Variants in OBSL1 observed in about 807,000 individuals in gnomAD.
OBSL1 encodes the protein obscurin-like protein 1.
A neutral mutation model predicts 172.0 loss-of-function variants in OBSL1; 160 were observed. The ratio of observed to expected loss-of-function variants is 0.93; its 90% CI spans 0.82 to 1.06. The LOEUF (loss-of-function observed/expected upper bound fraction) is 1.06, where lower values mean the gene tolerates loss of function less well. Among genes scored for constraint, OBSL1 ranks in the 50% least tolerant of loss-of-function variants. The pLI is 0.00. For missense variants in OBSL1, 2,681 were observed against 2,715.4 expected, an observed-to-expected ratio of 0.99 and a Z score of 0.28; for synonymous variants, 1,200 against 1,196.3, an observed-to-expected ratio of 1.00 and a Z score of -0.06.
At position 219,552,664 on chromosome 2, in the gene OBSL1, G is replaced by A. The variant is rs775246985; in HGVS notation, c.5180C>T (p.Ser1727Leu). The A allele has an allele frequency of 1.3e-6, 2 of 1,539,904 alleles. No homozygotes were observed. The highest frequency in any genetic ancestry group is 2.4e-5 in the East Asian group (1 of 41,302). Residue 1727 changes from serine (S) to leucine (L), a missense_variant, in exon 18 of 21, where the codon TCG (serine) becomes TTG (leucine). This residue lies in a region of OBSL1 where 1,765 missense variants were observed against 1,748.3 expected (regional missense o/e 1.01). Transcript: ENST00000404537. ...RTVAVLSELR[S>L]VSAREGDGAT... ...GCCGTCGCCTTCGCGGGCGCTCACC[G>A]ACCGCAGCTCGGAGAGTACCGCCAC...
At position 219,565,390 on chromosome 2, in the gene OBSL1, C is replaced by T. The variant is rs1477822555; in HGVS notation, c.2259G>A (p.Gly753=). The change falls in exon 6 of 21, where the codon GGG becomes GGA. Residue 753 remains glycine (G), a synonymous_variant. Coordinates refer to ENST00000404537, the MANE Select transcript of OBSL1 (RefSeq NM_015311.3). The stretch of plus-strand genomic sequence containing the variant: ...GCAACTCGCTCTCCTCCACCTTCTG[C>T]CCATCCTTGTACCAGGTTGCCGGGA... ...VDFPATWYKD[G]QKVEESELLV... 3 of 1,614,024 alleles carry T rather than the reference C, an allele frequency of 1.9e-6. No individual in the cohort carries two copies. Among genetic ancestry groups the T allele is most frequent in the Non-Finnish European group, 2.5e-6 (3 of 1,179,896 alleles).
intron 15 of OBSL1, 165 bp downstream of exon 15, chr2:219,554,309 G>A (rs1695842989): frequency 1.2e-6 from 1 of 843,210 alleles, no homozygotes; most frequent in African/African-American, 1.7e-5. Flanking sequence ...GGGCCACACA[G>A]GGCCTATGAG....
downstream of OBSL1, chr2:219,547,421 A>C: frequency 9.1e-7 from 1 of 1,102,164 alleles, no homozygotes; most frequent in Non-Finnish European, 1.2e-6. Flanking sequence ...TTCCCCTGGG[A>C]TCCCATGTCC....
chr2:219,548,070 C>A (rs1385868913), downstream of OBSL1: 12 of 1,558,246 alleles, frequency 7.7e-6, no homozygotes, highest in Non-Finnish European at 1.0e-5. Context: ...GAGGGGGACT[C>A]CCACACGGAA....
At position 219,554,746 on chromosome 2, in the gene OBSL1, C is replaced by A; in HGVS notation, c.4610-6G>T. ...CAGCACCCTCAGCTGCCTCGCTGGC[C>A]GGGGGAGATGGAGAGAGGGAGGATG... On this transcript the variant is annotated splice_polypyrimidine_tract_variant and splice_region_variant and intron_variant, in intron 14 of 20. Transcript: ENST00000404537. 2 of 1,538,090 alleles carry A rather than the reference C, an allele frequency of 1.3e-6. No individual in the cohort carries two copies. Among genetic ancestry groups the A allele is most frequent in the Middle Eastern group, 1.8e-4 (1 of 5,624 alleles).
chr2:219,561,593 C>T (rs1035892265), intron 8 of OBSL1: 12 of 448,210 alleles, frequency 2.7e-5, no homozygotes, highest in Middle Eastern at 1.3e-3. Flanking sequence ...GGGAAGCGGC[C>T]GTGTCTGCGT....
At position 219,570,749 on chromosome 2, in the gene OBSL1, C is replaced by T; in HGVS notation, c.484G>A (p.Glu162Lys). 6 of 1,503,788 alleles carry T rather than the reference C, an allele frequency of 4.0e-6. No individual in the cohort carries two copies. The highest frequency in any genetic ancestry group is 5.3e-6 in the Non-Finnish European group (6 of 1,133,538). 93.2% of individuals were successfully genotyped at this position (1,503,788 alleles called of 1,614,324 possible). Residue 162 changes from glutamate to lysine, a missense_variant, in exon 1 of 21, where the codon GAG (glutamate) becomes AAG (lysine). Physicochemically the swap from Glu to Lys is moderately conservative, Grantham distance 56. This residue lies in a region of OBSL1 where 706 missense variants were observed against 695.8 expected (regional missense o/e 1.01). Coordinates refer to ENST00000404537, the MANE Select transcript of OBSL1 (RefSeq NM_015311.3). ...GGLPEPTLYWEKDGMALDEVW... is the reference protein window; with the variant it reads ...GGLPEPTLYWKKDGMALDEVW... ...TCGTCCAGGGCCATCCCGTCCTTCT[C>T]CCAGTACAGTGTGGGCTCGGGGAGG...
intron 6 of OBSL1, 66 bp from the exon 7 acceptor site, chr2:219,563,693 G>A: frequency 6.5e-7 from 1 of 1,528,430 alleles, no homozygotes; most frequent in Admixed American, 1.8e-5. Flanking sequence ...CTAGCTGTGT[G>A]GCCAGGAGAC....
Position 219,566,938 on chromosome 2 carries a change from C to G in OBSL1, c.2026G>C (p.Gly676Arg). 1 of 1,613,778 alleles carries G rather than the reference C, an allele frequency of 6.2e-7. No homozygotes were observed. The highest frequency in any genetic ancestry group is 8.5e-7 in the Non-Finnish European group (1 of 1,179,848). ...TGCAGGATGAGTCTGTGCTGCAGAC[C>G]CTTCTGCTCTATACGGTACCGCAGG... ...GALRYRIEQK[G>R]LQHRLILHAV... The change falls in exon 5 of 21, where the codon GGT (glycine) becomes CGT (arginine). Residue 676 changes from glycine (G) to arginine (R), a missense_variant. Physicochemically the swap from Gly to Arg is moderately radical, Grantham distance 125. Around this residue, in one of 5 missense-constraint regions of OBSL1, gnomAD observed 1,765 missense variants for 1,748.3 expected, o/e 1.01. Transcript: ENST00000404537.
chr2:219,561,630 T>G (rs1051729980), intron 8 of OBSL1: 2 of 408,462 alleles, frequency 4.9e-6, no homozygotes, highest in Non-Finnish European at 4.3e-6. Flanking sequence ...TGTGGAAGGG[T>G]GACTTTCTCC....
Position 219,563,335 on chromosome 2 carries a change from A to C in OBSL1, c.2680+20T>G. The C allele has an allele frequency of 6.5e-7, 1 of 1,544,828 alleles. No individual in the cohort carries two copies. The highest frequency in any genetic ancestry group is 8.8e-7 in the Non-Finnish European group (1 of 1,141,612). ...AGGGGCACCTTCCCCTGTGCCTCCG[A>C]GGCCCACCTGGCCCCCCACCTGTGA... is the stretch of plus-strand genomic sequence containing the variant. On this transcript the variant is annotated intron_variant, in intron 7 of 20. Transcript: ENST00000404537.
intron 4 of OBSL1, 68 bp downstream of exon 4, chr2:219,567,205 A>G (rs1170382976): frequency 4.5e-6 from 7 of 1,560,208 alleles, no homozygotes; most frequent in Non-Finnish European, 6.1e-6. Context: ...CAAGCCTGTG[A>G]GAGGACCAGC....
In OBSL1 at chr2:219,559,260, C is replaced by G. The variant is rs1367712917; in HGVS notation, c.3191G>C (p.Gly1064Ala). The change falls in exon 9 of 21, where the codon GGA (glycine) becomes GCA (alanine). Residue 1064 changes from glycine to alanine, a missense_variant. Coordinates refer to ENST00000404537, the MANE Select transcript of OBSL1 (RefSeq NM_015311.3). Reference protein sequence around the residue: ...EDGGEFVCDAGDDSAFFTVTV... With the variant: ...EDGGEFVCDAADDSAFFTVTV... ...GACAGTGAAGAAGGCCGAGTCATCT[C>G]CAGCATCACATACAAACTCGCCCCC... 6.2e-7 allele frequency: 1 copy of G among 1,611,740 alleles called. No homozygotes were observed.
Position 219,561,921 on chromosome 2 carries a change from C to G in OBSL1, c.2953+481G>C, listed in dbSNP as rs868310771. ...AGCTGTTCGTCGCCATGGGGGGAAG[C>G]GGGACCAGAGCCGCCGGGTCTTCGG... On this transcript the variant is annotated intron_variant, in intron 8 of 20. Transcript: ENST00000404537. 4 of 717,330 alleles carry G rather than the reference C, an allele frequency of 5.6e-6. No homozygotes were observed. In the East Asian group the frequency reaches 1.1e-4, roughly 19 times the overall value. The allele number at this position is 717,330 out of a possible 1,614,324, so 44.4% of individuals were successfully genotyped here.
downstream of OBSL1, chr2:219,549,604 C>T: frequency 6.6e-7 from 1 of 1,506,648 alleles, no homozygotes; most frequent in Non-Finnish European, 9.0e-7. Context: ...GGGCTGTGGA[C>T]TCTGGGTCTA....
Position 219,565,335 on chromosome 2 carries a change from G to A in OBSL1, c.2314C>T (p.Arg772Cys), listed in dbSNP as rs367696024. Reference sequence around the variant, plus strand: ...ACTTTGGCCTCAGGCAGGATCAGACGGTGTTTGCGCCCATCCATCTTCACC... The same window carrying A: ...ACTTTGGCCTCAGGCAGGATCAGACAGTGTTTGCGCCCATCCATCTTCACC... The part of the protein sequence containing the change: ...LVVKMDGRKH[R>C]LILPEAKVQD... The change falls in exon 6 of 21, where the codon CGT becomes TGT. Residue 772 changes from arginine (R) to cysteine (C), a missense_variant. By Grantham distance (180) the Arg-to-Cys change is radical (BLOSUM62 -3). Transcript: ENST00000404537. 2.4e-5 allele frequency: 38 copies of A among 1,613,856 alleles called. No homozygotes were observed. The highest frequency in any genetic ancestry group is 1.0e-4 in the Admixed American group (6 of 59,998).
chr2:219,551,856 G>T, intron 19 of OBSL1, 58 bp from the exon 20 acceptor site: 1 of 1,091,720 alleles, frequency 9.2e-7, no homozygotes, highest in Non-Finnish European at 1.3e-6. Flanking sequence ...CCCAGGAGGA[G>T]AGATGCATCT....
chr2:219,571,424 C>T lies in OBSL1; in HGVS notation c.-192G>A. 1 of 335,360 alleles carries T rather than the reference C, an allele frequency of 3.0e-6. No homozygotes were observed. Among genetic ancestry groups the T allele is most frequent in the Non-Finnish European group, 5.3e-6 (1 of 188,354 alleles). 20.8% of individuals were successfully genotyped at this position (335,360 alleles called of 1,614,324 possible). A position where few individuals can be genotyped will look rare whatever the true frequency, so the allele number is the denominator to read the frequency against. On this transcript the variant is annotated 5_prime_UTR_variant, in exon 1 of 21. Coordinates refer to ENST00000404537, the MANE Select transcript of OBSL1 (RefSeq NM_015311.3). ...GCCCCGAGCTGCAGCTCTGCGGCGG[C>T]GGCGGCGGCGATTCCCGGGCCCGAA... is the stretch of plus-strand genomic sequence containing the variant.
Position 219,570,966 on chromosome 2 carries a change from C to A in OBSL1, c.267G>T (p.Ala89=). Residue 89 remains alanine, a synonymous_variant, in exon 1 of 21, where the codon GCG becomes GCT. Transcript: ENST00000404537. ...CGGCCGCCGCGTAGGCCTCGCCGGC[C>A]GCGTTGCGGGCGCGGCACACGTAGA... The part of the protein sequence containing the change: ...AGVYVCRARN[A]AGEAYAAAAV... 7.8e-7 allele frequency: 1 copy of A among 1,285,096 alleles called. No individual in the cohort carries two copies. 79.6% of individuals were successfully genotyped at this position (1,285,096 alleles called of 1,614,324 possible).
Sources: gnomAD v4.1 joint callset for allele counts on GRCh38, gnomAD v4.1.1 for gene constraint, gnomAD v4.1.1 regional missense constraint, MANE v1.5 for transcripts, NCBI Gene and HGNC (gene_info 2026-07-23, HGNC 2026-07-21) for gene names.